Variants in RAB10 observed in about 807,000 individuals in gnomAD.
RAB10 encodes ras-related protein Rab-10.
Under a neutral mutation model 25.7 loss-of-function variants are expected in RAB10, and 5 were observed. The ratio of observed to expected loss-of-function variants is 0.19; its 90% CI spans 0.10 to 0.41. The LOEUF is 0.41. Among genes scored for constraint, RAB10 ranks in the 10% least tolerant of loss-of-function variants. The pLI is 1.00. For synonymous variants in RAB10, 89 were observed against 86.4 expected (o/e 1.03, Z -0.16); for missense variants, 103 against 245.8 (o/e 0.42, Z 3.89).
chr2:26,044,604 T>A lies in RAB10; in HGVS notation c.127+9869T>A, dbSNP rs189219860. On this transcript the variant is annotated intron_variant, in intron 1 of 5. Coordinates refer to ENST00000264710, the MANE Select transcript of RAB10 (RefSeq NM_016131.5). ...TTTGTTCCCGAGGCTGGAGTGCAGTTGCGTCATCTTGGCACACTGCAACCT... is the reference window on the plus strand; with the variant it reads ...TTTGTTCCCGAGGCTGGAGTGCAGTAGCGTCATCTTGGCACACTGCAACCT... Among the ~76,000 whole-genome samples, 10 of 151,922 alleles carry A rather than the reference T, an allele frequency of 6.6e-5. No homozygotes were observed. In the East Asian group the frequency reaches 1.9e-3, roughly 29 times the overall value.
At position 26,063,735 on chromosome 2, in the gene RAB10, G is replaced by T. The variant is rs1666458221; in HGVS notation, c.127+29000G>T. Among the ~76,000 whole-genome samples, 5 of 152,274 alleles carry T rather than the reference G, an allele frequency of 3.3e-5. No individual in the cohort carries two copies. In the South Asian group the frequency reaches 1.0e-3, roughly 32 times the overall value. The stretch of plus-strand genomic sequence containing the variant: ...TCTTTATATTCCTTAATCTAGAACA[G>T]ATCCAGTCGTTACATTGACATTTTT... On this transcript the variant is annotated intron_variant, in intron 1 of 5. Coordinates refer to ENST00000264710, the MANE Select transcript of RAB10 (RefSeq NM_016131.5).
intron 3 of RAB10, among the ~76,000 whole-genome samples, chr2:26,123,613 T>C (rs940290113): frequency 9.9e-5 from 15 of 152,158 alleles, no homozygotes; most frequent in Admixed American, 3.3e-4. Context: ...AGAAGATGAT[T>C]TAATGAAGAT....
chr2:26,057,072 A>G (rs915316571), intron 1 of RAB10, among the ~76,000 whole-genome samples: 1 of 152,234 alleles, frequency 6.6e-6, no homozygotes, highest in Non-Finnish European at 1.5e-5. Flanking sequence ...CCATTAACTT[A>G]GGGAATATGC....
At chr2:26,038,180 T>C (rs937904331) in intron 1 of RAB10, among the ~76,000 whole-genome samples, 1 of 150,296 alleles carries the variant, frequency 6.7e-6, no homozygotes, top group Non-Finnish European at 1.5e-5. Context: ...GCCACCACAC[T>C]GCCCTCCTTT....
At chr2:26,053,789 G>T (rs1435673715) in intron 1 of RAB10, among the ~76,000 whole-genome samples, 3 of 151,810 alleles carry the variant, frequency 2.0e-5, no homozygotes, top group African/African-American at 7.3e-5. Flanking sequence ...GCACAGTCTC[G>T]GCTCACTGCA....
intron 1 of RAB10, among the ~76,000 whole-genome samples, chr2:26,060,857 C>A (rs765016445): frequency 3.3e-5 from 5 of 151,948 alleles, no homozygotes; most frequent in Non-Finnish European, 5.9e-5. Context: ...TCTGCTGGCC[C>A]GACTTAAATG....
intron 1 of RAB10, among the ~76,000 whole-genome samples, chr2:26,097,293 A>G (rs1461590167): frequency 6.6e-6 from 1 of 152,142 alleles, no homozygotes; most frequent in African/African-American, 2.4e-5. Context: ...TTTGTTTTTG[A>G]GACGGAGTCT....
intron 1 of RAB10, among the ~76,000 whole-genome samples, chr2:26,050,023 A>T (rs1173378934): frequency 6.6e-6 from 1 of 152,168 alleles, no homozygotes; most frequent in African/African-American, 2.4e-5. Context: ...GTTATTAATT[A>T]TGCCTGGTTG....
intron 2 of RAB10, among the ~76,000 whole-genome samples, chr2:26,108,615 TAAA>T (rs576568660): frequency 1.7e-5 from 1 of 60,312 alleles, no homozygotes; most frequent in Non-Finnish European, 4.0e-5. Context: ...TAAGTGCATG[TAAA>T]AAAAAAAAAC....
chr2:26,079,310 AACACACACACACAAACACACACACACAC>A (rs1239882954), intron 1 of RAB10, among the ~76,000 whole-genome samples: 71 of 61,390 alleles, frequency 1.2e-3, no homozygotes, highest in African/African-American at 4.2e-3. Flanking sequence ...GCAAGTTTGA[AACACACACACACAAACACACACACACAC>A]ACACACACAC....
intron 1 of RAB10, among the ~76,000 whole-genome samples, chr2:26,069,675 C>G (rs889275873): frequency 1.3e-5 from 2 of 150,212 alleles, no homozygotes; most frequent in African/African-American, 4.9e-5. Flanking sequence ...CCCTACCCCC[C>G]AAAAAAAAAG....
At chr2:26,128,284 T>G (rs961246796) in intron 5 of RAB10, among the ~76,000 whole-genome samples, 1 of 152,222 alleles carries the variant, frequency 6.6e-6, no homozygotes, top group Non-Finnish European at 1.5e-5. Flanking sequence ...ATCACTGATC[T>G]GATGGGAGGC....
intron 1 of RAB10, 65 bp downstream of exon 1, chr2:26,034,800 A>G: frequency 1.3e-6 from 2 of 1,584,360 alleles, no homozygotes. Flanking sequence ...TACTCCAGAC[A>G]TCTTGCTTCC....
chr2:26,053,454 G>A (rs559794821), intron 1 of RAB10, among the ~76,000 whole-genome samples: 6 of 152,288 alleles, frequency 3.9e-5, no homozygotes, highest in African/African-American at 1.4e-4. Context: ...TTATGCTCTT[G>A]ATGGATACTA....
chr2:26,033,773 C>T (rs1326772369), upstream of RAB10, among the ~76,000 whole-genome samples: 4 of 117,518 alleles, frequency 3.4e-5, 1 homozygote, highest in Admixed American at 3.2e-4. Context: ...TCCCGGGGAG[C>T]GGGGAGCGGG....
chr2:26,051,673 G>C (rs1666136688), intron 1 of RAB10, among the ~76,000 whole-genome samples: 1 of 151,392 alleles, frequency 6.6e-6, no homozygotes, highest in African/African-American at 2.4e-5. Flanking sequence ...AGAATCACTT[G>C]AACCCAGGAG....
At chr2:26,038,772 A>T (rs1312688850) in intron 1 of RAB10, among the ~76,000 whole-genome samples, 2 of 151,370 alleles carry the variant, frequency 1.3e-5, no homozygotes, top group African/African-American at 2.4e-5. Context: ...AATACAAAAA[A>T]TTAGCTGTCC....
At chr2:26,080,859 C>G (rs1666855018) in intron 1 of RAB10, among the ~76,000 whole-genome samples, 1 of 152,108 alleles carries the variant, frequency 6.6e-6, no homozygotes, top group African/African-American at 2.4e-5. Flanking sequence ...TAGATACCAC[C>G]TTAACCAAGT....
intron 1 of RAB10, among the ~76,000 whole-genome samples, chr2:26,040,754 A>G (rs894593454): frequency 3.3e-5 from 5 of 152,150 alleles, no homozygotes; most frequent in Non-Finnish European, 7.3e-5. Flanking sequence ...GCAGGCCCTC[A>G]TTATTTCAGG....
Sources: allele counts gnomAD v4.1 joint callset (sites outside exome capture counted in the v4.1 genomes callset), GRCh38; gene constraint gnomAD v4.1.1; transcripts MANE v1.5; gene names NCBI Gene and HGNC (gene_info 2026-07-23, HGNC 2026-07-21).